ZSCAN5A: variants seen among roughly 807,000 people sequenced by gnomAD.
ZSCAN5A encodes zinc finger and SCAN domain-containing protein 5A.
Under a neutral mutation model 23.7 loss-of-function variants are expected in ZSCAN5A, and 12 were observed. That is an observed-to-expected ratio of 0.51 (90% CI 0.32 to 0.82). The LOEUF is 0.82. Ranked by LOEUF, ZSCAN5A falls within the 40% of genes least tolerant of loss-of-function variation. The pLI, the probability that ZSCAN5A is intolerant of heterozygous loss-of-function variation, is 0.03. For missense variants in ZSCAN5A, 597 were observed against 617.9 expected (o/e 0.97, Z 0.36); for synonymous variants, 257 against 239.9 (o/e 1.07, Z -0.66).
chr19:56,360,812 T>C (rs1425294551), intron 2 of ZSCAN5A, among the ~76,000 whole-genome samples: 1 of 152,132 alleles, frequency 6.6e-6, no homozygotes, highest in Non-Finnish European at 1.5e-5. Flanking sequence ...CTAAAACCAA[T>C]TGCAGCAGAA....
At chr19:56,241,857 T>C (rs2146623097) in intron 2 of ZSCAN5A, among the ~76,000 whole-genome samples, 1 of 152,356 alleles carries the variant, frequency 6.6e-6, no homozygotes. Flanking sequence ...ACTTGTATTT[T>C]AGATTCGCTG....
intron 2 of ZSCAN5A, among the ~76,000 whole-genome samples, chr19:56,324,490 T>G (rs1156704163): frequency 6.6e-6 from 1 of 152,122 alleles, no homozygotes. Context: ...AAATAATGGA[T>G]GCTGGTGAGG....
At chr19:56,260,135 A>G (rs780632675) in intron 2 of ZSCAN5A, among the ~76,000 whole-genome samples, 117 of 152,116 alleles carry the variant, frequency 7.7e-4, no homozygotes, top group Non-Finnish European at 1.3e-3. Flanking sequence ...AAGCTCTGTA[A>G]TATCTACCAA....
intron 2 of ZSCAN5A, among the ~76,000 whole-genome samples, chr19:56,291,540 TTCCTC>T (rs2039510290): frequency 6.6e-6 from 1 of 152,150 alleles, no homozygotes; most frequent in Non-Finnish European, 1.5e-5. Flanking sequence ...TTTCTTCCTT[TTCCTC>T]TCCTCTCCTT....
chr19:56,225,126 G>A lies in ZSCAN5A; in HGVS notation c.-80C>T. 1 of 1,502,740 alleles carries A rather than the reference G, an allele frequency of 6.7e-7. No individual in the cohort carries two copies. The highest frequency in any genetic ancestry group is 8.8e-7 in the Non-Finnish European group (1 of 1,134,768). 93.1% of individuals were successfully genotyped at this position (1,502,740 alleles called of 1,614,324 possible). A position where few individuals can be genotyped will look rare whatever the true frequency, so the allele number is the denominator to read the frequency against. On this transcript the variant is annotated 5_prime_UTR_variant, in exon 3 of 6. Coordinates refer to ENST00000683990, the MANE Select transcript of ZSCAN5A (RefSeq NM_001322064.3). Reference sequence around the variant, plus strand: ...ATCTAATTGATACCTATCTACACAGGCTTCCTCTGGTTTTCCTCAGTAATA... The same window carrying A: ...ATCTAATTGATACCTATCTACACAGACTTCCTCTGGTTTTCCTCAGTAATA...
At chr19:56,233,757 T>C (rs983163072) in intron 2 of ZSCAN5A, among the ~76,000 whole-genome samples, 15 of 152,082 alleles carry the variant, frequency 9.9e-5, no homozygotes, top group Admixed American at 9.8e-4. Context: ...AGACACTTCC[T>C]GGCACCCCAC....
rs145510166 is a variant in ZSCAN5A at position 56,225,253 on chromosome 19, T to C, written c.-127-80A>G. On this transcript the variant is annotated intron_variant, in intron 2 of 5. Coordinates refer to ENST00000683990, the MANE Select transcript of ZSCAN5A (RefSeq NM_001322064.3). ...TCCCTTCGAAATCCCTCATCCTGGA[T>C]GCCACTTCTTCAGCAGCATCGAATT... 2.1e-3 allele frequency: 2,788 copies of C among 1,310,116 alleles called. 3 individuals carry two copies. Among genetic ancestry groups the C allele is most frequent in the Non-Finnish European group, 2.5e-3 (2,544 of 1,004,394 alleles). 81.2% of individuals were successfully genotyped at this position (1,310,116 alleles called of 1,614,324 possible). A position where few individuals can be genotyped will look rare whatever the true frequency, so the allele number is the denominator to read the frequency against.
intron 2 of ZSCAN5A, among the ~76,000 whole-genome samples, chr19:56,335,418 C>G (rs2041526151): frequency 6.6e-6 from 1 of 152,086 alleles, no homozygotes; most frequent in South Asian, 2.1e-4. Context: ...CTAGCCAGGC[C>G]AACATTTCCA....
intron 1 of ZSCAN5A, chr19:56,314,347 G>A (rs192640844): frequency 6.6e-6 from 1 of 152,158 alleles, no homozygotes; most frequent in East Asian, 1.9e-4. Flanking sequence ...AGGAAGTCTG[G>A]GTTTCCAATC....
chr19:56,234,454 C>A (rs1357529424), intron 2 of ZSCAN5A, among the ~76,000 whole-genome samples: 1 of 151,890 alleles, frequency 6.6e-6, no homozygotes, highest in East Asian at 1.9e-4. Flanking sequence ...AGAGAGAGAC[C>A]CTCTCATATT....
intron 2 of ZSCAN5A, among the ~76,000 whole-genome samples, chr19:56,350,997 C>G (rs186701530): frequency 2.0e-5 from 3 of 151,934 alleles, no homozygotes; most frequent in South Asian, 2.1e-4. Context: ...GCTGTCCCCC[C>G]CCAACCACAC....
Position 56,221,883 on chromosome 19 carries a change from G to A in ZSCAN5A, c.1183C>T (p.Gln395Ter), listed in dbSNP as rs2033223547. The A allele has an allele frequency of 6.2e-7, 1 of 1,614,138 alleles. No homozygotes were observed. The highest frequency in any genetic ancestry group is 1.1e-5 in the South Asian group (1 of 91,070). Residue 395 changes from glutamine (Q) to a stop codon, truncating the protein, a stop_gained, in exon 6 of 6, where the codon CAG becomes TAG. Coordinates refer to ENST00000683990, the MANE Select transcript of ZSCAN5A (RefSeq NM_001322064.3). LOFTEE classifies it low-confidence loss of function (END_TRUNC). ...TGGTGAAATTGGAGGCTAATAAGCT[G>A]CATGAAGCGCTTCCCACAGAGATTA... Reference protein sequence around the residue: ...QCNLCGKRFMQLISLQFHQRT... With the variant: ...QCNLCGKRFM
chr19:56,285,119 T>C, intron 2 of ZSCAN5A: 5 of 525,586 alleles, frequency 9.5e-6, no homozygotes, highest in Non-Finnish European at 1.2e-5. Context: ...AGGTAGAGTC[T>C]AAAGAACACT....
At chr19:56,268,329 G>A (rs1042623497) in intron 2 of ZSCAN5A, among the ~76,000 whole-genome samples, 22 of 152,142 alleles carry the variant, frequency 1.4e-4, no homozygotes, top group Non-Finnish European at 2.9e-5. Flanking sequence ...TGGCCCCTGC[G>A]GCAGGGACAG....
intron 1 of ZSCAN5A, among the ~76,000 whole-genome samples, chr19:56,366,241 G>C (rs1300072346): frequency 6.6e-6 from 1 of 151,952 alleles, no homozygotes; most frequent in East Asian, 1.9e-4. Context: ...CAGAGATCGA[G>C]ACCATCCTGG....
Position 56,322,554 on chromosome 19 carries a change from ACCTCTCT to A in ZSCAN5A, c.-357-6293_-357-6287del, listed in dbSNP as rs566435220. Among the ~76,000 whole-genome samples the A allele has an allele frequency of 7.2e-5, 11 of 152,138 alleles. 1 individual carries two copies. The South Asian group carries it at 2.3e-3, about 32-fold the overall frequency. ...AGTGTCTTTAATAATTGTGGATCTTACCTCTCTGTTCATCTCTGTCTCTATCTCATGT... is the reference window on the plus strand; with the variant it reads ...AGTGTCTTTAATAATTGTGGATCTTAGTTCATCTCTGTCTCTATCTCATGT... On this transcript the variant is annotated intron_variant, in intron 2 of 6. Transcript: ENST00000587340.
At chr19:56,338,279 T>C (rs1006004705) in intron 2 of ZSCAN5A, 1 of 152,210 alleles carries the variant, frequency 6.6e-6, no homozygotes, top group Admixed American at 6.5e-5. Flanking sequence ...AAATATAGTA[T>C]AGTCCTTCTG....
At chr19:56,274,974 A>T (rs1335839691) in intron 2 of ZSCAN5A, 1 of 152,176 alleles carries the variant, frequency 6.6e-6, no homozygotes, top group Non-Finnish European at 1.5e-5. Context: ...GTTTGTCTGA[A>T]GCTTTCTCAT....
intron 2 of ZSCAN5A, chr19:56,245,175 C>T: frequency 2.0e-6 from 1 of 500,430 alleles, no homozygotes; most frequent in Non-Finnish European, 3.7e-6. Context: ...ATGAGAGCTA[C>T]TTTCAGGTTC....
Sources: gnomAD v4.1 joint callset for allele counts (sites outside exome capture counted in the v4.1 genomes callset) on GRCh38, gnomAD v4.1.1 for gene constraint, MANE v1.5 for transcripts, NCBI Gene and HGNC (gene_info 2026-07-23, HGNC 2026-07-21) for gene names.